Variants in SLC24A2 observed in about 807,000 individuals in gnomAD.
The protein encoded by SLC24A2 is solute carrier family 24 member 2.
Under a neutral mutation model 62.0 loss-of-function variants are expected in SLC24A2, and 36 were observed. The ratio of observed to expected loss-of-function variants is 0.58; its 90% confidence interval spans 0.44 to 0.77. The LOEUF (loss-of-function observed/expected upper bound fraction) is 0.77. Ranked by LOEUF, SLC24A2 falls within the 30% of genes least tolerant of loss-of-function variation. SLC24A2 has a pLI of 0.00. For missense variants in SLC24A2, 846 were observed against 817.9 expected (o/e 1.03, Z -0.42); for synonymous variants, 358 against 294.0 (o/e 1.22, Z -2.23).
intron 2 of SLC24A2, among the ~76,000 whole-genome samples, chr9:19,630,850 C>A (rs954399750): frequency 2.6e-5 from 4 of 152,136 alleles, no homozygotes; most frequent in African/African-American, 7.2e-5. Context: ...TGAAAATGCA[C>A]TGATAATGAG....
chr9:19,935,676 C>T, the SLC24A2 span, among the ~76,000 whole-genome samples: 1 of 152,152 alleles, frequency 6.6e-6, no homozygotes, highest in Non-Finnish European at 1.5e-5. Flanking sequence ...TCCTTGGCTG[C>T]CACTGACGTT....
intron 2 of SLC24A2, among the ~76,000 whole-genome samples, chr9:19,676,689 T>A (rs543977685): frequency 1.6e-3 from 243 of 152,288 alleles, no homozygotes; most frequent in African/African-American, 5.3e-3. Context: ...ATGTTTACTA[T>A]CTGGCAATCC....
At chr9:19,961,042 G>GTGTGTA in the SLC24A2 span, among the ~76,000 whole-genome samples, 2 of 150,310 alleles carry the variant, frequency 1.3e-5, no homozygotes, top group Non-Finnish European at 3.0e-5. Context: ...GTGTGTGTGT[G>GTGTGTA]TGTGTGTGTG....
At chr9:19,624,652 C>G (rs557965935) in intron 2 of SLC24A2, among the ~76,000 whole-genome samples, 4 of 152,284 alleles carry the variant, frequency 2.6e-5, no homozygotes, top group Middle Eastern at 3.4e-3. Flanking sequence ...TGACATCATT[C>G]GTTTTCTTTC....
At chr9:20,186,444 G>A in the SLC24A2 span, among the ~76,000 whole-genome samples, 1 of 152,082 alleles carries the variant, frequency 6.6e-6, no homozygotes, top group Non-Finnish European at 1.5e-5. Flanking sequence ...TCTTCCTGGA[G>A]CCACATGGAT....
At chr9:20,255,045 A>G in the SLC24A2 span, among the ~76,000 whole-genome samples, 2 of 152,156 alleles carry the variant, frequency 1.3e-5, no homozygotes, top group African/African-American at 2.4e-5. Flanking sequence ...ACACATGGAG[A>G]TTATTACAAT....
the SLC24A2 span, among the ~76,000 whole-genome samples, chr9:20,145,067 C>T: frequency 6.1e-4 from 93 of 152,236 alleles, no homozygotes; most frequent in African/African-American, 2.2e-3. Context: ...AGGCAAAGTG[C>T]TGTAGTTAGA....
At chr9:19,522,276 G>A (rs1833240464) in intron 9 of SLC24A2, among the ~76,000 whole-genome samples, 2 of 152,104 alleles carry the variant, frequency 1.3e-5, no homozygotes, top group Admixed American at 6.6e-5. Context: ...GGGATTACAG[G>A]TGTGAGCCAC....
chr9:19,765,916 T>G (rs1469404164), intron 2 of SLC24A2, among the ~76,000 whole-genome samples: 1 of 152,240 alleles, frequency 6.6e-6, no homozygotes, highest in Admixed American at 6.5e-5. Flanking sequence ...AATCTCCATG[T>G]CACTTTCCGG....
the SLC24A2 span, among the ~76,000 whole-genome samples, chr9:20,192,836 A>G: frequency 6.6e-6 from 1 of 152,174 alleles, no homozygotes; most frequent in Non-Finnish European, 1.5e-5. Flanking sequence ...CCTTTCTTAG[A>G]AAACTCAAGA....
chr9:20,296,822 C>T, the SLC24A2 span, among the ~76,000 whole-genome samples: 90,107 of 151,976 alleles, frequency 0.59, 27,354 homozygotes, highest in Middle Eastern at 0.79. Flanking sequence ...TTCATGTATA[C>T]AGTTCATAAC....
the SLC24A2 span, among the ~76,000 whole-genome samples, chr9:20,008,746 G>A: frequency 6.6e-6 from 1 of 152,122 alleles, no homozygotes; most frequent in East Asian, 1.9e-4. Context: ...CCAAATTCCA[G>A]AGGTTGCATT....
At chr9:20,025,403 G>T in the SLC24A2 span, among the ~76,000 whole-genome samples, 1 of 151,978 alleles carries the variant, frequency 6.6e-6, no homozygotes, top group East Asian at 1.9e-4. Flanking sequence ...AATATTGACT[G>T]GCCTAGAAGT....
At chr9:20,277,489 T>C in the SLC24A2 span, among the ~76,000 whole-genome samples, 197 of 150,078 alleles carry the variant, frequency 1.3e-3, no homozygotes, top group Non-Finnish European at 2.2e-3. Context: ...TGAAAAAATG[T>C]TCATCATCAC....
the SLC24A2 span, among the ~76,000 whole-genome samples, chr9:19,850,949 A>G: frequency 9.9e-4 from 39 of 39,496 alleles, no homozygotes; most frequent in African/African-American, 3.6e-3. Flanking sequence ...ATATATACAT[A>G]TATATATATA....
chr9:20,221,850 G>T, the SLC24A2 span, among the ~76,000 whole-genome samples: 1 of 151,876 alleles, frequency 6.6e-6, no homozygotes, highest in South Asian at 2.1e-4. Context: ...CAAAATAAAG[G>T]TATTTTCTAC....
the SLC24A2 span, among the ~76,000 whole-genome samples, chr9:20,288,567 G>A: frequency 3.1e-3 from 477 of 152,138 alleles, no homozygotes; most frequent in Non-Finnish European, 4.5e-3. Flanking sequence ...CCAGGAGTTT[G>A]AGACCAGCCT....
At chr9:20,280,028 A>T in the SLC24A2 span, among the ~76,000 whole-genome samples, 2 of 152,260 alleles carry the variant, frequency 1.3e-5, no homozygotes, top group African/African-American at 4.8e-5. Flanking sequence ...GATTCTAAGC[A>T]GCAGGGTCTG....
At chr9:19,978,118 T>C in the SLC24A2 span, among the ~76,000 whole-genome samples, 1 of 152,182 alleles carries the variant, frequency 6.6e-6, no homozygotes, top group Non-Finnish European at 1.5e-5. Context: ...TTCTATACTC[T>C]TGAATTTGTC....
Sources: allele counts gnomAD v4.1 joint callset (sites outside exome capture counted in the v4.1 genomes callset), GRCh38; gene constraint gnomAD v4.1.1; transcripts MANE v1.5; gene names NCBI Gene and HGNC (gene_info 2026-07-23, HGNC 2026-07-21).